The following UBR4 variants were observed in gnomAD, a reference collection of about 807,000 sequenced individuals.
UBR4 encodes the protein E3 ubiquitin-protein ligase UBR4.
A neutral mutation model predicts 575.6 loss-of-function variants in UBR4; 124 were observed. That is an observed-to-expected ratio of 0.22 (90% CI 0.19 to 0.25). UBR4 has a LOEUF of 0.25. UBR4 is among the 10% of genes least tolerant of loss of function. The probability of loss-of-function intolerance (pLI) is 1.00; values close to 1 mark genes in which losing one functional copy is unlikely to be tolerated. For synonymous variants in UBR4, 2,455 were observed against 2,473.7 expected (o/e 0.99, Z 0.22); for missense variants, 4,818 against 6,478.8 (o/e 0.74, Z 8.80).
At chr1:19,138,209 A>C in intron 59 of UBR4, 28 bp from the exon 60 acceptor site, 1 of 1,478,098 alleles carries the variant, frequency 6.8e-7, no homozygotes, top group Admixed American at 2.2e-5. Flanking sequence ...AAAAAGCACA[A>C]ATCAACTCCC....
Position 19,086,758 on chromosome 1 carries a change from T to A in UBR4, c.14608A>T (p.Lys4870Ter). The A allele has an allele frequency of 6.2e-7, 1 of 1,614,216 alleles. No homozygotes were observed. Among genetic ancestry groups the A allele is most frequent in the Non-Finnish European group, 8.5e-7 (1 of 1,180,026 alleles). ...KRVALEEMEN[K>*]PRKQQGYSTV... The stretch of plus-strand genomic sequence containing the variant: ...CTGTAGCCCTGCTGTTTCCGGGGCT[T>A]ATTCTCCATCTCCTCCAAGGCTACC... Residue 4870 changes from lysine (K) to a stop codon, truncating the protein, a stop_gained, in exon 100 of 106, where the codon AAG becomes TAG. Transcript: ENST00000375254. LOFTEE classifies it high-confidence loss of function.
chr1:19,201,007 G>C (rs558017954), intron 2 of UBR4, among the ~76,000 whole-genome samples: 2 of 152,132 alleles, frequency 1.3e-5, no homozygotes, highest in Non-Finnish European at 2.9e-5. Flanking sequence ...TTGGTGGCTT[G>C]TGCCTGTAGT....
intron 8 of UBR4, among the ~76,000 whole-genome samples, chr1:19,194,620 GGTGAAA>G (rs2092336767): frequency 6.6e-6 from 1 of 152,030 alleles, no homozygotes; most frequent in African/African-American, 2.4e-5. Flanking sequence ...TCGCCAACAT[GGTGAAA>G]CCCCATCTCT....
chr1:19,112,416 C>G, intron 78 of UBR4, 108 bp downstream of exon 78: 1 of 1,286,188 alleles, frequency 7.8e-7, no homozygotes, highest in Non-Finnish European at 1.1e-6. Context: ...AGCTACCTAA[C>G]TTGCTGGGTG....
chr1:19,075,006 C>T, intron 105 of UBR4, 110 bp from the exon 106 acceptor site: 1 of 1,143,404 alleles, frequency 8.7e-7, no homozygotes. Flanking sequence ...CCGACAAGCT[C>T]TGGCCCGGCT....
intron 2 of UBR4, 94 bp downstream of exon 2, chr1:19,201,624 T>C (rs939951283): frequency 2.7e-6 from 3 of 1,120,164 alleles, no homozygotes; most frequent in Non-Finnish European, 3.9e-6. Flanking sequence ...AACCTAGACT[T>C]CATTAACAAC....
chr1:19,155,176 C>A, intron 43 of UBR4, 101 bp from the exon 44 acceptor site: 1 of 1,501,772 alleles, frequency 6.7e-7, no homozygotes, highest in Non-Finnish European at 9.1e-7. Context: ...CAGGTGCTCT[C>A]ATACTCTAAG....
chr1:19,153,471 G>A lies in UBR4; in HGVS notation c.6662C>T (p.Ala2221Val). 1 of 1,614,104 alleles carries A rather than the reference G, an allele frequency of 6.2e-7. No individual in the cohort carries two copies. Among genetic ancestry groups the A allele is most frequent in the Non-Finnish European group, 8.5e-7 (1 of 1,180,022 alleles). ...IQDMVAIRHT[A>V]CNEQQRTTMI... is the part of the protein sequence containing the mutation. Reference sequence around the variant, plus strand: ...TGTTGTCCGCTGCTGCTCATTGCAGGCCGTGTGCCTAATAGCAACCATGTC... The same window carrying A: ...TGTTGTCCGCTGCTGCTCATTGCAGACCGTGTGCCTAATAGCAACCATGTC... Residue 2221 changes from alanine to valine, a missense_variant, in exon 46 of 106, where the codon GCC becomes GTC. Ala to Val is a moderately conservative substitution (Grantham distance 64). Coordinates refer to ENST00000375254, the MANE Select transcript of UBR4 (RefSeq NM_020765.3). The surrounding 1 kb of genome is among the most constrained non-coding windows in gnomAD (Gnocchi z 4.1).
Position 19,146,878 on chromosome 1 carries a change from G to T in UBR4, c.7752C>A (p.Arg2584=). The T allele has an allele frequency of 1.2e-6, 2 of 1,614,136 alleles. No homozygotes were observed. The highest frequency in any genetic ancestry group is 1.7e-6 in the Non-Finnish European group (2 of 1,180,000). Residue 2584 remains arginine, a synonymous_variant, in exon 52 of 106, where the codon CGC becomes CGA. Transcript: ENST00000375254. The stretch of plus-strand genomic sequence containing the variant: ...CCGTAAAGTGGACAAGGTTGTTGGG[G>T]CGCATGATGGCAATGGAGCGAGCTG... ...VITARSIAIM[R]PNNLVHFTES...
intron 81 of UBR4, among the ~76,000 whole-genome samples, chr1:19,107,622 A>G (rs2079368808): frequency 6.6e-6 from 1 of 152,034 alleles, no homozygotes; most frequent in East Asian, 1.9e-4. Context: ...ATTTCGATAC[A>G]AAATACAAAA....
At chr1:19,141,929 T>G in intron 55 of UBR4, 152 bp from the exon 56 acceptor site, 1 of 1,076,440 alleles carries the variant, frequency 9.3e-7, no homozygotes, top group Non-Finnish European at 1.3e-6. Context: ...ATGCCTGGCC[T>G]TGTTCTCTTA....
intron 51 of UBR4, among the ~76,000 whole-genome samples, chr1:19,147,519 G>T (rs1216527531): frequency 6.6e-6 from 1 of 152,078 alleles, no homozygotes; most frequent in Non-Finnish European, 1.5e-5. Context: ...GTCTCCTTTG[G>T]CAATGCCTTT....
chr1:19,093,873 C>T lies in UBR4; in HGVS notation c.13937+76G>A. The T allele has an allele frequency of 6.7e-7, 1 of 1,489,036 alleles. No individual in the cohort carries two copies. The highest frequency in any genetic ancestry group is 9.1e-7 in the Non-Finnish European group (1 of 1,101,230). The allele number at this position is 1,489,036 out of a possible 1,614,324, so 92.2% of individuals were successfully genotyped here. A position where few individuals can be genotyped will look rare whatever the true frequency, so the allele number is the denominator to read the frequency against. The stretch of plus-strand genomic sequence containing the variant: ...AAATCTAATAGGTATTCAGAGGATT[C>T]TTCCTCATCTCACAGACCTAGTTCG... On this transcript the variant is annotated intron_variant, in intron 95 of 105. Coordinates refer to ENST00000375254, the MANE Select transcript of UBR4 (RefSeq NM_020765.3). The surrounding 1 kb of genome is among the most constrained non-coding windows in gnomAD (Gnocchi z 4.8).
chr1:19,209,750 G>A (rs1470025129), intron 1 of UBR4, among the ~76,000 whole-genome samples: 1 of 152,326 alleles, frequency 6.6e-6, no homozygotes, highest in Non-Finnish European at 1.5e-5. Flanking sequence ...ACTCATCTGT[G>A]ACTTGACCCA....
rs115286042 is a variant in UBR4, at chr1:19,113,886, G to A, written c.11328+59C>T. On this transcript the variant is annotated intron_variant, in intron 76 of 105. Transcript: ENST00000375254. ...CACCTAAGGTGATCTCACCTAGGAG[G>A]CAGTCTTCTGATCAAGACCCAAGCC... 1.3e-4 allele frequency: 211 copies of A among 1,614,146 alleles called. No homozygotes were observed. In the African/African-American group the frequency reaches 2.6e-3, roughly 20 times the overall value.
At chr1:19,125,035 G>A (rs1015685436) in intron 64 of UBR4, among the ~76,000 whole-genome samples, 2 of 152,042 alleles carry the variant, frequency 1.3e-5, no homozygotes, top group African/African-American at 2.4e-5. Context: ...GAAAAAGGGA[G>A]TAAGGATCTC....
intron 17 of UBR4, among the ~76,000 whole-genome samples, chr1:19,182,401 G>C (rs1360134675): frequency 6.6e-6 from 1 of 151,916 alleles, no homozygotes; most frequent in East Asian, 1.9e-4. Context: ...AAGTACAGTG[G>C]CTATTTGCAG....
At chr1:19,193,355 T>A (rs886817387) in intron 9 of UBR4, 78 bp downstream of exon 9, 1 of 1,560,700 alleles carries the variant, frequency 6.4e-7, no homozygotes, top group Non-Finnish European at 8.7e-7. Flanking sequence ...CTTTCTTCTA[T>A]CATGGAAGAA....
chr1:19,169,196 T>A (rs939133599), intron 27 of UBR4, among the ~76,000 whole-genome samples: 6 of 152,154 alleles, frequency 3.9e-5, no homozygotes, highest in African/African-American at 1.4e-4. Context: ...GTGAAGAAAC[T>A]GAGGCTCAAA....
Sources: gnomAD v4.1 joint callset for allele counts (sites outside exome capture counted in the v4.1 genomes callset) on GRCh38, gnomAD v4.1.1 for gene constraint, Gnocchi (gnomAD v3.1) non-coding constraint, MANE v1.5 for transcripts, NCBI Gene and HGNC (gene_info 2026-07-23, HGNC 2026-07-21) for gene names.